The following AXDND1 variants were observed in gnomAD, a reference collection of about 807,000 sequenced individuals.
AXDND1 encodes axonemal dynein light chain domain containing 1.
In AXDND1, 110 loss-of-function variants were observed where a neutral mutation model predicts 137.5. That is an observed-to-expected ratio of 0.80 (90% CI 0.69 to 0.94). AXDND1 has a LOEUF of 0.94. Ranked by LOEUF, AXDND1 falls within the 40% of genes least tolerant of loss-of-function variation. The probability of loss-of-function intolerance (pLI) is 0.00; values close to 1 mark genes in which losing one functional copy is unlikely to be tolerated. For synonymous variants in AXDND1, 414 were observed against 399.7 expected (o/e 1.04, Z -0.43); for missense variants, 1,191 against 1,169.8 (o/e 1.02, Z -0.26).
chr1:179,367,299 C>T (rs1368992779), intron 2 of AXDND1, among the ~76,000 whole-genome samples: 3 of 151,940 alleles, frequency 2.0e-5, no homozygotes, highest in Non-Finnish European at 4.4e-5. Context: ...TGGCGGATCA[C>T]GAGGTCAAGA....
chr1:179,468,743 G>T, intron 17 of AXDND1, 102 bp downstream of exon 17: 1 of 912,038 alleles, frequency 1.1e-6, no homozygotes, highest in Middle Eastern at 3.6e-4. Context: ...ACAATTCTGT[G>T]GTGTTCAGTA....
chr1:179,498,300 A>G (rs1449159469), intron 20 of AXDND1, among the ~76,000 whole-genome samples: 3 of 151,822 alleles, frequency 2.0e-5, no homozygotes, highest in East Asian at 3.8e-4. Context: ...GTACAAAAAC[A>G]GACATGTAGA....
chr1:179,370,438 T>C (rs548411436), intron 4 of AXDND1, among the ~76,000 whole-genome samples: 2 of 152,340 alleles, frequency 1.3e-5, no homozygotes, highest in African/African-American at 4.8e-5. Context: ...TATGTCTTCT[T>C]TGTGGACATC....
intron 15 of AXDND1, among the ~76,000 whole-genome samples, chr1:179,439,852 C>T (rs573239292): frequency 6.9e-6 from 1 of 144,954 alleles, no homozygotes; most frequent in South Asian, 2.1e-4. Context: ...CATTCCATGG[C>T]CACACGCACC....
In AXDND1 at chr1:179,484,669, C is replaced by G. The variant is rs1202268250; in HGVS notation, c.2091+1448C>G. On this transcript the variant is annotated intron_variant, in intron 18 of 25. Transcript: ENST00000367618. Reference sequence around the variant, plus strand: ...CCCCCATGCCATTTGCCAGTGTGCACTCACCCATGACCACCCCCTACATTG... The same window carrying G: ...CCCCCATGCCATTTGCCAGTGTGCAGTCACCCATGACCACCCCCTACATTG... Among the ~76,000 whole-genome samples the G allele has an allele frequency of 2.0e-5, 3 of 152,178 alleles. No individual in the cohort carries two copies. The East Asian group carries it at 5.8e-4, about 29-fold the overall frequency.
At chr1:179,479,674 G>T (rs1665106700) in intron 17 of AXDND1, among the ~76,000 whole-genome samples, 1 of 152,160 alleles carries the variant, frequency 6.6e-6, no homozygotes, top group Non-Finnish European at 1.5e-5. Flanking sequence ...CTACTTGGGA[G>T]GCTGAGGCAG....
intron 12 of AXDND1, among the ~76,000 whole-genome samples, chr1:179,414,326 C>A (rs1038298861): frequency 6.6e-6 from 1 of 151,942 alleles, no homozygotes; most frequent in Admixed American, 6.6e-5. Flanking sequence ...AACTTAAAAG[C>A]AAACTAAAAG....
intron 21 of AXDND1, among the ~76,000 whole-genome samples, chr1:179,512,866 A>G (rs1173219955): frequency 6.6e-6 from 1 of 152,034 alleles, no homozygotes; most frequent in Non-Finnish European, 1.5e-5. Context: ...TCCGCTTGGT[A>G]GCTGTTGGTG....
Position 179,509,417 on chromosome 1 carries a change from G to T in AXDND1, c.2496+14G>T. 1.4e-6 allele frequency: 2 copies of T among 1,469,550 alleles called. No individual in the cohort carries two copies. Among genetic ancestry groups the T allele is most frequent in the Non-Finnish European group, 1.9e-6 (2 of 1,051,184 alleles). 91.0% of individuals were successfully genotyped at this position (1,469,550 alleles called of 1,614,324 possible). On this transcript the variant is annotated intron_variant, in intron 21 of 25. Transcript: ENST00000367618. The stretch of plus-strand genomic sequence containing the variant: ...CTACTTGAAGAGGTATTTGCCACAT[G>T]TTAGCGTTGGTCATTATTCAGATTA...
At chr1:179,407,836 T>C (rs997149289) in intron 11 of AXDND1, among the ~76,000 whole-genome samples, 1 of 152,134 alleles carries the variant, frequency 6.6e-6, no homozygotes, top group Admixed American at 6.5e-5. Flanking sequence ...ATTAAATAGG[T>C]TTTCTGTGTC....
chr1:179,514,322 T>C (rs1237454418), intron 21 of AXDND1, among the ~76,000 whole-genome samples: 2 of 152,218 alleles, frequency 1.3e-5, no homozygotes, highest in Non-Finnish European at 2.9e-5. Flanking sequence ...AGTTTTGTTT[T>C]TGACCAAATG....
In AXDND1 at chr1:179,509,402, A is replaced by T. The variant is rs1553300341; in HGVS notation, c.2495A>T (p.Glu832Val). Residue 832 changes from glutamate (E) to valine (V), a missense_variant and splice_region_variant, in exon 21 of 26, where the codon GAG becomes GTG. Glu to Val is a moderately radical substitution (Grantham distance 121). Coordinates refer to ENST00000367618, the MANE Select transcript of AXDND1 (RefSeq NM_144696.6). The stretch of plus-strand genomic sequence containing the variant: ...GAAGAAATAGAGCGGCTACTTGAAG[A>T]GGTATTTGCCACATGTTAGCGTTGG... ...TYEEIERLLE[E>V]EAVKEFIEPE... The T allele has an allele frequency of 6.3e-7, 1 of 1,577,316 alleles. No individual in the cohort carries two copies.
intron 16 of AXDND1, chr1:179,449,290 C>T (rs1660187684): frequency 3.1e-6 from 1 of 324,656 alleles, no homozygotes; most frequent in African/African-American, 2.3e-5. Context: ...AACATTCTTC[C>T]TCCATTTAAT....
chr1:179,456,113 G>A (rs1661368826), intron 16 of AXDND1: 2 of 523,534 alleles, frequency 3.8e-6, no homozygotes, highest in South Asian at 1.5e-5. Flanking sequence ...CTTCTTTGTA[G>A]CACCTAGGCC....
Position 179,534,723 on chromosome 1 carries a change from A to T in AXDND1, c.2799-7A>T. ...TCTATTTTGTTGTGTCTTCTCTTCC[A>T]TATCAGGGAGGTTGAAAATAGAGCC... On this transcript the variant is annotated splice_region_variant and splice_polypyrimidine_tract_variant and intron_variant, in intron 24 of 25. Transcript: ENST00000367618. 1.3e-6 allele frequency: 2 copies of T among 1,570,626 alleles called. No homozygotes were observed. The highest frequency in any genetic ancestry group is 1.7e-4 in the Middle Eastern group (1 of 5,804).
chr1:179,369,897 T>A (rs1196017149), intron 3 of AXDND1, 78 bp from the exon 4 acceptor site: 5 of 1,108,948 alleles, frequency 4.5e-6, no homozygotes, highest in Non-Finnish European at 5.4e-6. Flanking sequence ...AATACAGTAC[T>A]TACTCAAAAC....
rs1359175304 is a variant in AXDND1 at position 179,486,131 on chromosome 1, A to AC, written c.2091+2910_2091+2911insC. On this transcript the variant is annotated intron_variant, in intron 18 of 25. Coordinates refer to ENST00000367618, the MANE Select transcript of AXDND1 (RefSeq NM_144696.6). ...CAAAACTCTGTCTCAAAAAAAAAAA[A>AC]AAAAAAAAAACCTGATAGAAATGAA... Among the ~76,000 whole-genome samples, 14 of 90,288 alleles carry AC rather than the reference A, an allele frequency of 1.6e-4. 1 individual carries two copies. In the South Asian group the frequency reaches 1.9e-3, roughly 12 times the overall value. The allele number at this position is 90,288 out of a possible 152,430, so 59.2% of individuals were successfully genotyped here.
rs751767084 is a variant in AXDND1 at position 179,552,604 on chromosome 1, C to T, written c.3032-1908C>T. 118 of 1,612,590 alleles carry T rather than the reference C, an allele frequency of 7.3e-5. No individual in the cohort carries two copies. Among genetic ancestry groups the T allele is most frequent in the Middle Eastern group, 3.3e-4 (2 of 6,076 alleles). On this transcript the variant is annotated intron_variant, in intron 25 of 25. Transcript: ENST00000367618. ...TGGGTGGGAGGATGGAGTGCTCACC[C>T]GCACTTTGGCTTGTCTTTGCGCTTC...
intron 21 of AXDND1, among the ~76,000 whole-genome samples, chr1:179,521,171 C>T (rs1670029166): frequency 6.6e-6 from 1 of 151,876 alleles, no homozygotes; most frequent in South Asian, 2.1e-4. Flanking sequence ...GTTGCCTAGG[C>T]TGGCTTGAAT....
Sources: allele counts gnomAD v4.1 joint callset (sites outside exome capture counted in the v4.1 genomes callset), GRCh38; gene constraint gnomAD v4.1.1; transcripts MANE v1.5; gene names NCBI Gene and HGNC (gene_info 2026-07-23, HGNC 2026-07-21).